The following ADCY2 variants were observed in gnomAD, a reference collection of about 807,000 sequenced individuals.
The protein encoded by ADCY2 is adenylate cyclase 2.
Under a neutral mutation model 125.2 loss-of-function variants are expected in ADCY2, and 31 were observed. The ratio of observed to expected loss-of-function variants is 0.25; its 90% CI spans 0.19 to 0.33. The LOEUF is 0.33. Ranked by LOEUF, ADCY2 falls within the 10% of genes least tolerant of loss-of-function variation. ADCY2 has a pLI of 1.00. For synonymous variants in ADCY2, 512 were observed against 548.4 expected, an observed-to-expected ratio of 0.93 and a Z score of 0.93; for missense variants, 904 against 1,418.2, an observed-to-expected ratio of 0.64 and a Z score of 5.82.
At chr5:7,823,342 C>G (rs1370412237) in intron 24 of ADCY2, among the ~76,000 whole-genome samples, 1 of 152,206 alleles carries the variant, frequency 6.6e-6, no homozygotes, top group Non-Finnish European at 1.5e-5. Flanking sequence ...CCAACACTGG[C>G]TCCAGCTGCC....
At chr5:7,497,740 A>G (rs1285744720) in intron 2 of ADCY2, among the ~76,000 whole-genome samples, 1 of 152,142 alleles carries the variant, frequency 6.6e-6, no homozygotes, top group Non-Finnish European at 1.5e-5. Context: ...TGCACCGAAA[A>G]AAAAAAGTTG....
chr5:7,642,699 T>G (rs1011729401), intron 4 of ADCY2, among the ~76,000 whole-genome samples: 7 of 152,116 alleles, frequency 4.6e-5, no homozygotes, highest in African/African-American at 1.7e-4. Context: ...ATAAAAAATT[T>G]TAATGGCAAC....
chr5:7,553,862 GAGCTAGA>G (rs1735422094), intron 3 of ADCY2, among the ~76,000 whole-genome samples: 1 of 152,192 alleles, frequency 6.6e-6, no homozygotes, highest in African/African-American at 2.4e-5. Context: ...GTGGGACACA[GAGCTAGA>G]AGCACGAGAG....
intron 20 of ADCY2, among the ~76,000 whole-genome samples, chr5:7,792,261 G>A (rs1307683340): frequency 1.3e-5 from 2 of 151,680 alleles, no homozygotes; most frequent in Non-Finnish European, 2.9e-5. Flanking sequence ...TGGGCATGGT[G>A]GCGGGTGCCT....
At chr5:7,456,551 A>C (rs1364038266) in intron 2 of ADCY2, among the ~76,000 whole-genome samples, 1 of 152,226 alleles carries the variant, frequency 6.6e-6, no homozygotes, top group Non-Finnish European at 1.5e-5. Flanking sequence ...AGGCTCAAGA[A>C]ATACATGCTC....
At chr5:7,529,826 T>C (rs1734586412) in intron 3 of ADCY2, among the ~76,000 whole-genome samples, 2 of 152,236 alleles carry the variant, frequency 1.3e-5, no homozygotes, top group African/African-American at 2.4e-5. Flanking sequence ...GTTGAGGGTA[T>C]AAACTCCTTC....
intron 4 of ADCY2, among the ~76,000 whole-genome samples, chr5:7,636,670 A>G (rs1175791271): frequency 2.0e-5 from 3 of 152,240 alleles, no homozygotes; most frequent in Non-Finnish European, 4.4e-5. Context: ...ATTCACCACA[A>G]TAGGGGAAAA....
intron 2 of ADCY2, among the ~76,000 whole-genome samples, chr5:7,499,937 A>G (rs922644443): frequency 1.3e-5 from 2 of 152,082 alleles, no homozygotes; most frequent in African/African-American, 4.8e-5. Flanking sequence ...AGAAAATTTA[A>G]AAAACTACAA....
intron 4 of ADCY2, among the ~76,000 whole-genome samples, chr5:7,630,140 G>GCTTTCTGGCTGTAGT (rs942249882): frequency 1.3e-5 from 2 of 152,038 alleles, no homozygotes; most frequent in African/African-American, 2.4e-5. Context: ...GGGGATTCTG[G>GCTTTCTGGCTGTAGT]CTTTCTGGCT....
intron 20 of ADCY2, chr5:7,801,994 G>A (rs1744611714): frequency 4.1e-6 from 2 of 484,546 alleles, no homozygotes; most frequent in South Asian, 4.0e-5. Flanking sequence ...AACTGGCAAG[G>A]CACCTCTTCT....
intron 4 of ADCY2, among the ~76,000 whole-genome samples, chr5:7,643,639 C>G (rs1466694946): frequency 6.6e-6 from 1 of 150,890 alleles, no homozygotes; most frequent in Non-Finnish European, 1.5e-5. Flanking sequence ...AAACATTTAT[C>G]TTTTAATCCA....
intron 3 of ADCY2, among the ~76,000 whole-genome samples, chr5:7,574,006 C>T (rs540207859): frequency 0.011 from 1,263 of 115,610 alleles, 23 homozygotes; most frequent in African/African-American, 0.038. Flanking sequence ...TGAGAATATG[C>T]GGTGTTTGGT....
At position 7,594,553 on chromosome 5, in the gene ADCY2, C is replaced by T. The variant is rs545291824; in HGVS notation, c.571-31614C>T. ...TAGCCAGGAACTCTTGTGTGACCCT[C>T]TCCACAGCACCTTCCTTGCACATTG... On this transcript the variant is annotated intron_variant, in intron 3 of 24. Coordinates refer to ENST00000338316, the MANE Select transcript of ADCY2 (RefSeq NM_020546.3). Among the ~76,000 whole-genome samples, 4 of 152,336 alleles carry T rather than the reference C, an allele frequency of 2.6e-5. No homozygotes were observed. In the South Asian group the frequency reaches 8.3e-4, roughly 32 times the overall value.
intron 11 of ADCY2, 48 bp from the exon 12 acceptor site, chr5:7,717,109 T>C: frequency 7.6e-7 from 1 of 1,317,452 alleles, no homozygotes. Flanking sequence ...GCTTAATATT[T>C]ATTTTACTAA....
intron 2 of ADCY2, among the ~76,000 whole-genome samples, chr5:7,435,681 C>T (rs945041136): frequency 1.3e-5 from 2 of 152,202 alleles, no homozygotes; most frequent in African/African-American, 4.8e-5. Context: ...GTTTCTTTCT[C>T]ATTTTGAGCC....
At chr5:7,404,956 G>C (rs1351991832) in intron 1 of ADCY2, among the ~76,000 whole-genome samples, 1 of 152,150 alleles carries the variant, frequency 6.6e-6, no homozygotes, top group Non-Finnish European at 1.5e-5. Flanking sequence ...ACTTTCTCTT[G>C]ATATGGGATC....
intron 3 of ADCY2, among the ~76,000 whole-genome samples, chr5:7,593,816 A>G (rs1736922939): frequency 6.6e-6 from 1 of 152,182 alleles, no homozygotes; most frequent in Non-Finnish European, 1.5e-5. Context: ...AAAAAAAAAT[A>G]ACATGACAGA....
Position 7,766,789 on chromosome 5 carries a change from A to G in ADCY2, c.2197A>G (p.Asn733Asp), listed in dbSNP as rs758668644. Residue 733 changes from asparagine (N) to aspartate (D), a missense_variant, in exon 17 of 25, where the codon AAT (asparagine) becomes GAT (aspartate). Around this residue, in one of 7 missense-constraint regions of ADCY2, gnomAD observed 221 missense variants for 246.2 expected, o/e 0.90. Coordinates refer to ENST00000338316, the MANE Select transcript of ADCY2 (RefSeq NM_020546.3). The part of the protein sequence containing the change: ...NNQVAILRAQ[N>D]LFFLPYFIYS... ...TCAGGTGGCGATTCTGCGTGCGCAG[A>G]ATTTATTTTTCCTCCCGGTAAGAAC... 2 of 1,609,284 alleles carry G rather than the reference A, an allele frequency of 1.2e-6. No homozygotes were observed. The highest frequency in any genetic ancestry group is 2.2e-5 in the South Asian group (2 of 89,590).
chr5:7,534,068 C>T (rs1344548933), intron 3 of ADCY2, among the ~76,000 whole-genome samples: 1 of 152,200 alleles, frequency 6.6e-6, no homozygotes, highest in Non-Finnish European at 1.5e-5. Flanking sequence ...CTCCTGAATC[C>T]AGCAGGGGCT....
Sources: allele counts gnomAD v4.1 joint callset (sites outside exome capture counted in the v4.1 genomes callset), GRCh38; gene constraint gnomAD v4.1.1; regional missense constraint gnomAD v4.1.1; transcripts MANE v1.5; gene names NCBI Gene and HGNC (gene_info 2026-07-23, HGNC 2026-07-21).